The following TOMM40L variants were observed in gnomAD, a reference collection of about 807,000 sequenced individuals.
The protein encoded by TOMM40L is translocase of outer mitochondrial membrane 40 like.
In TOMM40L, 17 loss-of-function variants were observed where a neutral mutation model predicts 38.3. That is an observed-to-expected ratio of 0.44 (90% CI 0.30 to 0.67). The LOEUF (loss-of-function observed/expected upper bound fraction) is 0.67. Ranked by LOEUF, TOMM40L falls within the 30% of genes least tolerant of loss-of-function variation. The pLI, the probability that TOMM40L is intolerant of heterozygous loss-of-function variation, is 0.08. For synonymous variants in TOMM40L, 151 were observed against 150.2 expected, an observed-to-expected ratio of 1.01 and a Z score of -0.04; for missense variants, 294 against 390.0, an observed-to-expected ratio of 0.75 and a Z score of 2.07.
chr1:161,227,806 AGG>A, intron 5 of TOMM40L, 69 bp downstream of exon 5: 1 of 1,603,108 alleles, frequency 6.2e-7, no homozygotes, highest in East Asian at 2.2e-5. Context: ...TCCTGCTCTG[AGG>A]GCTTGGAAGG....
intron 2 of TOMM40L, 44 bp downstream of exon 2, chr1:161,226,648 G>A: frequency 6.3e-7 from 1 of 1,579,084 alleles, no homozygotes; most frequent in East Asian, 2.3e-5. Flanking sequence ...AGGGGCAGAG[G>A]AGTGGAGGGT....
Position 161,226,975 on chromosome 1 carries a change from C to T in TOMM40L, c.183+20C>T, listed in dbSNP as rs1666385912. 1 of 1,613,762 alleles carries T rather than the reference C, an allele frequency of 6.2e-7. No individual in the cohort carries two copies. The highest frequency in any genetic ancestry group is 8.5e-7 in the Non-Finnish European group (1 of 1,179,798). On this transcript the variant is annotated intron_variant, in intron 3 of 9. Transcript: ENST00000367988. Reference sequence around the variant, plus strand: ...TTCCAGGTGCTCCCACTTCTCTGGCCCCTCCTTACTATTCCCCCTTTCCTG... The same window carrying T: ...TTCCAGGTGCTCCCACTTCTCTGGCTCCTCCTTACTATTCCCCCTTTCCTG...
rs1258143716 is a variant in TOMM40L, at chr1:161,229,930, T to G, written c.*835T>G. 1 of 1,614,024 alleles carries G rather than the reference T, an allele frequency of 6.2e-7. No individual in the cohort carries two copies. Among genetic ancestry groups the G allele is most frequent in the Non-Finnish European group, 8.5e-7 (1 of 1,180,014 alleles). On this transcript the variant is annotated 3_prime_UTR_variant, in exon 10 of 10. Coordinates refer to ENST00000367988, the MANE Select transcript of TOMM40L (RefSeq NM_032174.6). ...TAGCAACTTCGCATACAGAAACCTT[T>G]GGAGGAAGTAGTGGGGTTGCCAGGA...
In TOMM40L at chr1:161,227,791, G is replaced by T. The variant is rs1238058953; in HGVS notation, c.378+54G>T. 1.9e-6 allele frequency: 3 copies of T among 1,604,110 alleles called. No individual in the cohort carries two copies. The East Asian group carries it at 6.7e-5, about 36-fold the overall frequency. On this transcript the variant is annotated intron_variant, in intron 5 of 9. Coordinates refer to ENST00000367988, the MANE Select transcript of TOMM40L (RefSeq NM_032174.6). ...GAGGCACTTCCTCTTTCTCCTCCAC[G>T]GGTTTCCTGCTCTGAGGGCTTGGAA...
rs1667002233 is a variant in TOMM40L at position 161,230,732 on chromosome 1, A to G, written c.*1637A>G. 6.3e-7 allele frequency: 1 copy of G among 1,594,794 alleles called. No individual in the cohort carries two copies. The highest frequency in any genetic ancestry group is 1.3e-5 in the African/African-American group (1 of 74,786). On this transcript the variant is annotated 3_prime_UTR_variant, in exon 10 of 10. Coordinates refer to ENST00000367988, the MANE Select transcript of TOMM40L (RefSeq NM_032174.6). ...ATTCCCTAAGGAAAGGACAGTAAAAAAACATTCCTCCCAAGCTCAATGTTT... is the reference window on the plus strand; with the variant it reads ...ATTCCCTAAGGAAAGGACAGTAAAAGAACATTCCTCCCAAGCTCAATGTTT...
At position 161,229,290 on chromosome 1, in the gene TOMM40L, T is replaced by TC. The variant is rs2102087392; in HGVS notation, c.*201dup. On this transcript the variant is annotated 3_prime_UTR_variant, in exon 10 of 10. Transcript: ENST00000367988. ...AGTTGATGAGGCAGAGGTTTGAGGA[T>TC]CCCCCCTCTGCTACCAGCCCCAGTA... 2 of 731,498 alleles carry TC rather than the reference T, an allele frequency of 2.7e-6. No homozygotes were observed. The highest frequency in any genetic ancestry group is 1.9e-5 in the South Asian group (1 of 53,626). The allele number at this position is 731,498 out of a possible 1,614,324, so 45.3% of individuals were successfully genotyped here. A position where few individuals can be genotyped will look rare whatever the true frequency, so the allele number is the denominator to read the frequency against.
chr1:161,226,507 C>T lies in TOMM40L; in HGVS notation c.18C>T (p.Gly6=), dbSNP rs770513401. 3 of 1,613,844 alleles carry T rather than the reference C, an allele frequency of 1.9e-6. No individual in the cohort carries two copies. Among genetic ancestry groups the T allele is most frequent in the East Asian group, 2.2e-5 (1 of 44,882 alleles). The change falls in exon 2 of 10, where the codon GGC becomes GGT. Residue 6 remains glycine, a synonymous_variant. Coordinates refer to ENST00000367988, the MANE Select transcript of TOMM40L (RefSeq NM_032174.6). ...GGACTAAAATGGGGAACACATTGGG[C>T]CTGGCACCAATGGGGACTTTGCCCC... MGNTL[G]LAPMGTLPRR...
chr1:161,226,934 G>A lies in TOMM40L; in HGVS notation c.162G>A (p.Lys54=). The change falls in exon 3 of 10, where the codon AAG becomes AAA. Residue 54 remains lysine (K), a synonymous_variant. Coordinates refer to ENST00000367988, the MANE Select transcript of TOMM40L (RefSeq NM_032174.6). The stretch of plus-strand genomic sequence containing the variant: ...AGGGAGTGAAGCTCGTTGTCAACAA[G>A]GTTCTGAGCAGCCATTTCCAGGTGC... The part of the protein sequence containing the change: ...QMEGVKLVVN[K]VLSSHFQVAH... The A allele has an allele frequency of 6.2e-7, 1 of 1,614,144 alleles. No individual in the cohort carries two copies.
At chr1:161,227,079 T>C in intron 3 of TOMM40L, 124 bp downstream of exon 3, 1 of 1,295,206 alleles carries the variant, frequency 7.7e-7, no homozygotes, top group Non-Finnish European at 1.1e-6. Context: ...GGATGTGGGG[T>C]TCTCTTTACC....
chr1:161,227,683 C>T lies in TOMM40L; in HGVS notation c.324C>T (p.Asn108=), dbSNP rs1348992621. Residue 108 remains asparagine, a synonymous_variant, in exon 5 of 10, where the codon AAC becomes AAT. Transcript: ENST00000367988. ...ATATGGACAGCAGTGGCAGCCTGAA[C>T]GCCCAGGTCTTGCTCCTCTTGGCAG... ...VGDMDSSGSL[N]AQVLLLLAER... is the part of the protein sequence containing the mutation. 1.2e-6 allele frequency: 2 copies of T among 1,613,476 alleles called. No individual in the cohort carries two copies. Among genetic ancestry groups the T allele is most frequent in the Admixed American group, 1.7e-5 (1 of 60,018 alleles).
At position 161,229,253 on chromosome 1, in the gene TOMM40L, T is replaced by C. The variant is rs1666608657; in HGVS notation, c.*158T>C. 2 of 1,039,570 alleles carry C rather than the reference T, an allele frequency of 1.9e-6. No individual in the cohort carries two copies. Among genetic ancestry groups the C allele is most frequent in the South Asian group, 3.2e-5 (2 of 63,168 alleles). 64.4% of individuals were successfully genotyped at this position (1,039,570 alleles called of 1,614,324 possible). ...ACCATGCCCTCCTCAGAACTGGAGC[T>C]GCCACAGGGGCAGTTGATGAGGCAG... On this transcript the variant is annotated 3_prime_UTR_variant, in exon 10 of 10. Transcript: ENST00000367988.
chr1:161,229,522 A>G lies in TOMM40L; in HGVS notation c.*427A>G. The G allele has an allele frequency of 9.8e-7, 1 of 1,022,484 alleles. No homozygotes were observed. Among genetic ancestry groups the G allele is most frequent in the Non-Finnish European group, 1.4e-6 (1 of 702,568 alleles). 63.3% of individuals were successfully genotyped at this position (1,022,484 alleles called of 1,614,324 possible). On this transcript the variant is annotated 3_prime_UTR_variant, in exon 10 of 10. Transcript: ENST00000367988. Reference sequence around the variant, plus strand: ...GCTGAAGGGCTAGATGTTTGGTCTCAGGAAGTGGGGCCCACCCATTCCCAG... The same window carrying G: ...GCTGAAGGGCTAGATGTTTGGTCTCGGGAAGTGGGGCCCACCCATTCCCAG...
At chr1:161,228,674 C>T in intron 8 of TOMM40L, 41 bp from the exon 9 acceptor site, 1 of 1,609,856 alleles carries the variant, frequency 6.2e-7, no homozygotes, top group South Asian at 1.1e-5. Context: ...CTGGTCTTCA[C>T]TGATACTGAT....
At position 161,228,974 on chromosome 1, in the gene TOMM40L, G is replaced by T. The variant is rs916325396; in HGVS notation, c.806G>T (p.Trp269Leu). The change falls in exon 10 of 10, where the codon TGG becomes TTG. Residue 269 changes from tryptophan (W) to leucine (L), a missense_variant. Transcript: ENST00000367988. Reference protein sequence around the residue: ...MVFRGLVDSNWCVGAVLEKKM... With the variant: ...MVFRGLVDSNLCVGAVLEKKM... Reference sequence around the variant, plus strand: ...CCAACAGGCTTGGTGGATAGTAACTGGTGTGTAGGTGCTGTGCTGGAGAAG... The same window carrying T: ...CCAACAGGCTTGGTGGATAGTAACTTGTGTGTAGGTGCTGTGCTGGAGAAG... 6.2e-7 allele frequency: 1 copy of T among 1,614,170 alleles called. No individual in the cohort carries two copies. The highest frequency in any genetic ancestry group is 8.5e-7 in the Non-Finnish European group (1 of 1,180,020).
intron 6 of TOMM40L, 85 bp from the exon 7 acceptor site, chr1:161,228,101 G>A: frequency 6.3e-7 from 1 of 1,584,808 alleles, no homozygotes; most frequent in Non-Finnish European, 8.6e-7. Context: ...TCTTGGGCAG[G>A]CTGGGGTGGC....
rs1194766733 is a variant in TOMM40L at position 161,230,724 on chromosome 1, CA to C, written c.*1630del. ...ATACCTGAATTCCCTAAGGAAAGGACAGTAAAAAAACATTCCTCCCAAGCTC... is the reference window on the plus strand; with the variant it reads ...ATACCTGAATTCCCTAAGGAAAGGACGTAAAAAAACATTCCTCCCAAGCTC... On this transcript the variant is annotated 3_prime_UTR_variant, in exon 10 of 10. Coordinates refer to ENST00000367988, the MANE Select transcript of TOMM40L (RefSeq NM_032174.6). 7 of 1,565,328 alleles carry C rather than the reference CA, an allele frequency of 4.5e-6. No homozygotes were observed. The highest frequency in any genetic ancestry group is 6.1e-6 in the Non-Finnish European group (7 of 1,145,256).
At position 161,227,951 on chromosome 1, in the gene TOMM40L, C is replaced by A; in HGVS notation, c.446C>A (p.Thr149Asn). 2 of 1,614,180 alleles carry A rather than the reference C, an allele frequency of 1.2e-6. No homozygotes were observed. The highest frequency in any genetic ancestry group is 1.7e-6 in the Non-Finnish European group (2 of 1,180,014). Residue 149 changes from threonine (T) to asparagine (N), a missense_variant, in exon 6 of 10, where the codon ACT becomes AAT. By Grantham distance (65) the Thr-to-Asn change is moderately conservative. Transcript: ENST00000367988. ...GEYRGDDYTA[T>N]LTLGNPDLIG... ...TATCGGGGAGATGACTACACAGCCACTCTGACCCTAGGAAATCCTGACCTG... is the reference window on the plus strand; with the variant it reads ...TATCGGGGAGATGACTACACAGCCAATCTGACCCTAGGAAATCCTGACCTG...
At position 161,228,806 on chromosome 1, in the gene TOMM40L, T is replaced by G; in HGVS notation, c.776T>G (p.Met259Arg). The G allele has an allele frequency of 6.2e-7, 1 of 1,614,070 alleles. No homozygotes were observed. The highest frequency in any genetic ancestry group is 8.5e-7 in the Non-Finnish European group (1 of 1,179,982). ...GYHLTLPQAN[M>R]VFRGLVDSNW... ...CACCTGACTCTGCCCCAGGCCAACATGGTATTTAGAGGTGAGGGTTATTGG... is the reference window on the plus strand; with the variant it reads ...CACCTGACTCTGCCCCAGGCCAACAGGGTATTTAGAGGTGAGGGTTATTGG... The change falls in exon 9 of 10, where the codon ATG becomes AGG. Residue 259 changes from methionine to arginine, a missense_variant. Transcript: ENST00000367988.
chr1:161,226,313 T>C, intron 1 of TOMM40L, 42 bp from the exon 2 acceptor site: 1 of 588,582 alleles, frequency 1.7e-6, no homozygotes, highest in South Asian at 2.1e-5. Context: ...CCTAGGGTTG[T>C]CTCTCCATGA....
Sources: allele counts gnomAD v4.1 joint callset, GRCh38; gene constraint gnomAD v4.1.1; transcripts MANE v1.5; gene names NCBI Gene and HGNC (gene_info 2026-07-23, HGNC 2026-07-21).